The following CANX variants were observed in gnomAD, a reference collection of about 807,000 sequenced individuals.
CANX encodes the protein calnexin, also known as epididymis secretory sperm binding protein.
A neutral mutation model predicts 75.7 loss-of-function variants in CANX; 14 were observed. That is an observed-to-expected ratio of 0.19 (90% CI 0.12 to 0.29). The LOEUF is 0.29. CANX is among the 10% of genes least tolerant of loss of function. CANX has a pLI of 1.00. For synonymous variants in CANX, 227 were observed against 236.9 expected, an observed-to-expected ratio of 0.96 and a Z score of 0.38; for missense variants, 567 against 713.2, an observed-to-expected ratio of 0.79 and a Z score of 2.34.
intron 13 of CANX, among the ~76,000 whole-genome samples, chr5:179,725,635 T>G (rs1257604579): frequency 7.3e-6 from 1 of 136,466 alleles, no homozygotes; most frequent in South Asian, 2.4e-4. Flanking sequence ...GAGCCGAGAT[T>G]GGGCCACTGC....
intron 1 of CANX, 79 bp from the exon 2 acceptor site, chr5:179,705,599 TA>T: frequency 3.9e-6 from 4 of 1,018,146 alleles, no homozygotes; most frequent in Non-Finnish European, 5.8e-6. Flanking sequence ...GCTTTAATTT[TA>T]AATGAGAGAG....
At position 179,705,866 on chromosome 5, in the gene CANX, T is replaced by C. The variant is rs1371696036; in HGVS notation, c.171+14T>C. 1.9e-6 allele frequency: 3 copies of C among 1,607,176 alleles called. No homozygotes were observed. The African/African-American group carries it at 4.0e-5, about 21-fold the overall frequency. On this transcript the variant is annotated intron_variant, in intron 2 of 14. Transcript: ENST00000247461. ...TCATCTCCCAAGGTTTGAAATGGTCTTTGAATCTATTCCTTTTACGTCTTG... is the reference window on the plus strand; with the variant it reads ...TCATCTCCCAAGGTTTGAAATGGTCCTTGAATCTATTCCTTTTACGTCTTG...
intron 1 of CANX, among the ~76,000 whole-genome samples, chr5:179,680,033 G>C (rs865882819): frequency 1.5e-5 from 2 of 134,800 alleles, no homozygotes; most frequent in African/African-American, 5.6e-5. Flanking sequence ...GGCTGGTCTC[G>C]AACTCCGGAC....
chr5:179,718,555 C>T (rs1046334058), intron 8 of CANX, among the ~76,000 whole-genome samples: 2 of 145,330 alleles, frequency 1.4e-5, no homozygotes, highest in African/African-American at 5.1e-5. Context: ...TGAGACGGAG[C>T]TTCGCTCTTG....
rs1778888667 is a variant in CANX at position 179,729,769 on chromosome 5, G to A, written c.*1125G>A. ...GATTTTTATCCATTTCTTTTACTCTGTGTAAAGACTTGAGAAGTCTAATTC... is the reference window on the plus strand; with the variant it reads ...GATTTTTATCCATTTCTTTTACTCTATGTAAAGACTTGAGAAGTCTAATTC... On this transcript the variant is annotated 3_prime_UTR_variant, in exon 15 of 15. Coordinates refer to ENST00000247461, the MANE Select transcript of CANX (RefSeq NM_001746.4). The A allele has an allele frequency of 2.0e-5, 3 of 152,570 alleles. No homozygotes were observed. 9.5% of individuals were successfully genotyped at this position (152,570 alleles called of 1,614,324 possible).
At chr5:179,721,366 A>T (rs979634756) in intron 10 of CANX, among the ~76,000 whole-genome samples, 2 of 152,254 alleles carry the variant, frequency 1.3e-5, no homozygotes, top group African/African-American at 4.8e-5. Flanking sequence ...CTGGGGTTTC[A>T]GGCGGGAGCC....
chr5:179,712,173 T>C (rs113590128), intron 7 of CANX, among the ~76,000 whole-genome samples: 3,497 of 151,698 alleles, frequency 0.023, 69 homozygotes, highest in Non-Finnish European at 0.036. Flanking sequence ...TCCTTTTTTT[T>C]GTTGTTGTTG....
At chr5:179,716,338 T>G in intron 8 of CANX, 44 bp downstream of exon 8, 1 of 1,439,884 alleles carries the variant, frequency 6.9e-7, no homozygotes, top group Non-Finnish European at 9.6e-7. Context: ...GAGCATTTCA[T>G]ATATTCCATG....
chr5:179,710,707 C>CAATAAAAAAAAAAAA (rs1777489163), intron 7 of CANX, among the ~76,000 whole-genome samples: 1 of 27,380 alleles, frequency 3.7e-5, no homozygotes, highest in African/African-American at 8.6e-5. Flanking sequence ...GACTCCATCT[C>CAATAAAAAAAAAAAA]AAAAAAAAAA....
At position 179,699,120 on chromosome 5, in the gene CANX, A is replaced by G; in HGVS notation, c.-4+18A>G. 1 of 1,030,642 alleles carries G rather than the reference A, an allele frequency of 9.7e-7. No individual in the cohort carries two copies. The highest frequency in any genetic ancestry group is 1.2e-6 in the Non-Finnish European group (1 of 853,726). The allele number at this position is 1,030,642 out of a possible 1,614,324, so 63.8% of individuals were successfully genotyped here. A position where few individuals can be genotyped will look rare whatever the true frequency, so the allele number is the denominator to read the frequency against. On this transcript the variant is annotated intron_variant, in intron 1 of 14. Coordinates refer to ENST00000247461, the MANE Select transcript of CANX (RefSeq NM_001746.4). The stretch of plus-strand genomic sequence containing the variant: ...GGCTAGAGGTGAGAGGGGAGACCTG[A>G]GCGCGTCCTCGGGCCTGTGAGGACC...
At chr5:179,719,982 C>T (rs140619129) in intron 9 of CANX, among the ~76,000 whole-genome samples, 3,371 of 152,036 alleles carry the variant, frequency 0.022, 57 homozygotes, top group Non-Finnish European at 0.035. Context: ...CCACCACACC[C>T]GGCAAATTTT....
chr5:179,695,072 C>T (rs879581604), upstream of CANX, among the ~76,000 whole-genome samples: 5 of 85,578 alleles, frequency 5.8e-5, no homozygotes, highest in Admixed American at 1.4e-4. Flanking sequence ...ATTTTTGAGA[C>T]GGAATCTTGC....
chr5:179,695,257 C>T (rs1581825813), upstream of CANX, among the ~76,000 whole-genome samples: 2 of 152,154 alleles, frequency 1.3e-5, no homozygotes, highest in African/African-American at 4.8e-5. Context: ...GACGGGGTTT[C>T]ACCGTGTTAG....
At chr5:179,711,564 G>A (rs1347818685) in intron 7 of CANX, among the ~76,000 whole-genome samples, 1 of 151,980 alleles carries the variant, frequency 6.6e-6, no homozygotes, top group African/African-American at 2.4e-5. Context: ...CGAGGTGGGC[G>A]GATCACCTGA....
At chr5:179,703,331 C>T (rs1157122719) in intron 1 of CANX, among the ~76,000 whole-genome samples, 1 of 152,028 alleles carries the variant, frequency 6.6e-6, no homozygotes, top group African/African-American at 2.4e-5. Context: ...GATTCTCCTC[C>T]CTCAGCCTCC....
intron 1 of CANX, among the ~76,000 whole-genome samples, chr5:179,693,028 C>T (rs915928896): frequency 5.9e-5 from 9 of 151,594 alleles, no homozygotes; most frequent in Non-Finnish European, 1.0e-4. Flanking sequence ...CGCCTGTAGT[C>T]CCTGCTACTC....
At chr5:179,726,611 T>C in intron 13 of CANX, 69 bp from the exon 14 acceptor site, 1 of 992,964 alleles carries the variant, frequency 1.0e-6, no homozygotes, top group Non-Finnish European at 1.5e-6. Flanking sequence ...TCTAGAGATG[T>C]GTTCTAATGC....
upstream of CANX, chr5:179,694,495 C>G (rs1464621560): frequency 1.3e-6 from 1 of 749,920 alleles, no homozygotes; most frequent in African/African-American, 1.7e-5. Flanking sequence ...CTGTTCTCTT[C>G]GGAAATCCGC....
intron 7 of CANX, chr5:179,715,815 G>GT (rs1195140945): frequency 1.2e-4 from 49 of 421,910 alleles, no homozygotes; most frequent in African/African-American, 4.5e-4. Flanking sequence ...GTAGTTTCTT[G>GT]TTTTTTTTGT....
Sources: allele counts gnomAD v4.1 joint callset (sites outside exome capture counted in the v4.1 genomes callset), GRCh38; gene constraint gnomAD v4.1.1; transcripts MANE v1.5; gene names NCBI Gene and HGNC (gene_info 2026-07-23, HGNC 2026-07-21).